Variants in MTG1 observed in about 807,000 individuals in gnomAD.
The protein encoded by MTG1 is mitochondrial ribosome associated GTPase 1, also known as mitochondrial ribosome-associated GTPase 1.
In MTG1, 30 loss-of-function variants were observed where a neutral mutation model predicts 39.5. The ratio of observed to expected loss-of-function variants is 0.76; its 90% CI spans 0.57 to 1.03. The LOEUF (loss-of-function observed/expected upper bound fraction) is 1.03. Ranked by LOEUF, MTG1 falls within the 50% of genes least tolerant of loss-of-function variation. The pLI is 0.00. For missense variants in MTG1, 513 were observed against 447.4 expected (o/e 1.15, Z -1.32); for synonymous variants, 217 against 179.0 (o/e 1.21, Z -1.69).
At chr10:133,399,434 A>T in intron 5 of MTG1, 95 bp from the exon 6 acceptor site, 1 of 1,338,146 alleles carries the variant, frequency 7.5e-7, no homozygotes, top group South Asian at 1.2e-5. Context: ...CCCTGAGCTG[A>T]CCTGGCCTGG....
intron 9 of MTG1, among the ~76,000 whole-genome samples, chr10:133,403,694 T>C: frequency 1.3e-5 from 2 of 152,360 alleles, no homozygotes; most frequent in Non-Finnish European, 2.9e-5. Context: ...GTGGGTTGTT[T>C]GCAGGTTTTG....
rs1849745893 is a variant in MTG1, at chr10:133,394,277, C to A, written c.57C>A (p.Asn19Lys). 1 of 1,517,822 alleles carries A rather than the reference C, an allele frequency of 6.6e-7. No individual in the cohort carries two copies. The highest frequency in any genetic ancestry group is 1.4e-5 in the African/African-American group (1 of 69,680). 94.0% of individuals were successfully genotyped at this position (1,517,822 alleles called of 1,614,324 possible). ...CCGCCCAGGCCGCCTGGCGGGAGAA[C>A]TTCCCCCTGTGCGGTCGCGACGTGG... ...CSAAQAAWRE[N>K]FPLCGRDVAR... is the part of the protein sequence containing the mutation. Residue 19 changes from asparagine to lysine, a missense_variant, in exon 1 of 11, where the codon AAC (asparagine) becomes AAA (lysine). Transcript: ENST00000317502.
At position 133,394,226 on chromosome 10, in the gene MTG1, A is replaced by G. The variant is rs777231381; in HGVS notation, c.6A>G (p.Arg2=). The change falls in exon 1 of 11, where the codon AGA becomes AGG. Residue 2 remains arginine (R), a synonymous_variant. Coordinates refer to ENST00000317502, the MANE Select transcript of MTG1 (RefSeq NM_138384.4). M[R]LTPRALCSAA... ...TTTCCGGGGACGGTGCCGCCATGAG[A>G]TTGACCCCGCGCGCGCTGTGCAGCG... 1.1e-5 allele frequency: 16 copies of G among 1,516,076 alleles called. No individual in the cohort carries two copies. Among genetic ancestry groups the G allele is most frequent in the Middle Eastern group, 2.3e-4 (1 of 4,398 alleles). The allele number at this position is 1,516,076 out of a possible 1,614,324, so 93.9% of individuals were successfully genotyped here.
intron 3 of MTG1, among the ~76,000 whole-genome samples, chr10:133,397,463 T>C (rs969351088): frequency 6.6e-5 from 10 of 150,764 alleles, no homozygotes; most frequent in African/African-American, 2.5e-4. Context: ...CTTTTATCTC[T>C]TTGTCTTGTG....
chr10:133,419,902 T>A, intron 10 of MTG1, 124 bp from the exon 11 acceptor site: 1 of 1,201,038 alleles, frequency 8.3e-7, no homozygotes, highest in Non-Finnish European at 1.2e-6. Context: ...CTGAGTGTGA[T>A]CCCGTTCCCT....
At chr10:133,400,574 A>G (rs1849860370) in intron 6 of MTG1, among the ~76,000 whole-genome samples, 1 of 152,246 alleles carries the variant, frequency 6.6e-6, no homozygotes, top group African/African-American at 2.4e-5. Context: ...GTTATTTTAC[A>G]GAGAGGGTGT....
intron 9 of MTG1, among the ~76,000 whole-genome samples, chr10:133,403,642 C>T (rs1589912783): frequency 6.6e-6 from 1 of 152,192 alleles, no homozygotes; most frequent in Non-Finnish European, 1.5e-5. Flanking sequence ...GTTTCAGTGT[C>T]CAGGTGCGCT....
chr10:133,400,947 C>G (rs1849865567), intron 6 of MTG1, among the ~76,000 whole-genome samples: 1 of 152,214 alleles, frequency 6.6e-6, no homozygotes, highest in South Asian at 2.1e-4. Context: ...GCTGATCACC[C>G]CGTTGTGTGT....
At chr10:133,419,889 T>C (rs1356150400) in intron 10 of MTG1, 137 bp from the exon 11 acceptor site, 3 of 1,107,812 alleles carry the variant, frequency 2.7e-6, no homozygotes, top group Non-Finnish European at 3.9e-6. Flanking sequence ...AGCTGTTTTC[T>C]TTCTGAGTGT....
At chr10:133,411,370 C>G (rs1254234714) in intron 9 of MTG1, among the ~76,000 whole-genome samples, 1 of 150,274 alleles carries the variant, frequency 6.7e-6, no homozygotes, top group Admixed American at 6.6e-5. Context: ...TTGTAGGATT[C>G]TTTCTTTGTC....
chr10:133,397,779 G>GTTTTTTTTTTTTTTTTTTTTT lies in MTG1; in HGVS notation c.283-640_283-639insTTTTTTTTTTTTTTTTTTTTT, dbSNP rs35859911. On this transcript the variant is annotated intron_variant, in intron 3 of 10. Transcript: ENST00000317502. ...AGGCGTGAGTCACTGCGTCCAGCCT[G>GTTTTTTTTTTTTTTTTTTTTT]TTTTTTTTTTTTTTTTAAATCATCG... 3.2e-4 allele frequency among the ~76,000 whole-genome samples: 44 copies of GTTTTTTTTTTTTTTTTTTTTT among 139,454 alleles called. 2 individuals carry two copies. In the South Asian group the frequency reaches 6.1e-3, roughly 19 times the overall value. The allele number at this position is 139,454 out of a possible 152,430, so 91.5% of individuals were successfully genotyped here.
In MTG1 at chr10:133,402,953, A is replaced by G; in HGVS notation, c.752+180A>G. ...GTATGGCTATACGTCTGTGAAAGCA[A>G]CACACAATCAAGAAAACGAGCGTTC... On this transcript the variant is annotated intron_variant, in intron 9 of 10. Transcript: ENST00000317502. This position sits in a 1 kb window ranked among gnomAD's most constrained non-coding sequence, Gnocchi z 4.7. The G allele has an allele frequency of 3.7e-6, 2 of 545,498 alleles. No individual in the cohort carries two copies. Among genetic ancestry groups the G allele is most frequent in the South Asian group, 2.7e-5 (1 of 36,438 alleles). 33.8% of individuals were successfully genotyped at this position (545,498 alleles called of 1,614,324 possible). A position where few individuals can be genotyped will look rare whatever the true frequency, so the allele number is the denominator to read the frequency against.
At position 133,420,774 on chromosome 10, in the gene MTG1, T is replaced by C. The variant is rs1288982046; in HGVS notation, c.*609T>C. On this transcript the variant is annotated 3_prime_UTR_variant, in exon 11 of 11. Transcript: ENST00000317502. ...CTTCGCCCCTCAGTGCCCTGGGGCA[T>C]GTTCAGGGCAGGGTTGAGGGGGACG... is the stretch of plus-strand genomic sequence containing the variant. 3 of 152,594 alleles carry C rather than the reference T, an allele frequency of 2.0e-5. No individual in the cohort carries two copies. In the East Asian group the frequency reaches 5.8e-4, roughly 30 times the overall value. The allele number at this position is 152,594 out of a possible 1,614,324, so 9.5% of individuals were successfully genotyped here.
rs1187721223 is a variant in MTG1 at position 133,402,317 on chromosome 10, TGGCACAGG to T, written c.670+74_670+81del. The T allele has an allele frequency of 3.8e-6, 6 of 1,565,888 alleles. No homozygotes were observed. The highest frequency in any genetic ancestry group is 2.7e-5 in the African/African-American group (2 of 74,122). ...GCCACCCCACCTTTAGGGCTGGCTT[TGGCACAGG>T]GCCCCTAGACGGGAGTTGTTACTGC... On this transcript the variant is annotated intron_variant, in intron 8 of 10. Coordinates refer to ENST00000317502, the MANE Select transcript of MTG1 (RefSeq NM_138384.4). The surrounding 1 kb of genome is among the most constrained non-coding windows in gnomAD (Gnocchi z 4.7).
intron 9 of MTG1, among the ~76,000 whole-genome samples, chr10:133,413,325 G>T (rs1393260183): frequency 6.6e-6 from 1 of 152,192 alleles, no homozygotes; most frequent in African/African-American, 2.4e-5. Flanking sequence ...TGTTGGCCAG[G>T]CTGGTCTTGA....
intron 1 of MTG1, among the ~76,000 whole-genome samples, chr10:133,395,489 G>A (rs1418854793): frequency 1.3e-5 from 2 of 152,186 alleles, no homozygotes; most frequent in Non-Finnish European, 2.9e-5. Context: ...TTGACACATG[G>A]CCCACCCTGT....
At chr10:133,415,941 GCAC>G (rs1850120035) in intron 9 of MTG1, among the ~76,000 whole-genome samples, 1 of 149,454 alleles carries the variant, frequency 6.7e-6, no homozygotes, top group African/African-American at 2.4e-5. Context: ...TGGGTATCAG[GCAC>G]GCAGTTATCA....
intron 6 of MTG1, 66 bp from the exon 7 acceptor site, chr10:133,401,463 C>T: frequency 2.2e-6 from 3 of 1,388,830 alleles, no homozygotes; most frequent in Middle Eastern, 1.9e-4. Context: ...ACATACGTCT[C>T]CCTACTTGTT....
chr10:133,404,352 C>T (rs1399078722), intron 9 of MTG1, among the ~76,000 whole-genome samples: 7 of 152,098 alleles, frequency 4.6e-5, no homozygotes, highest in Non-Finnish European at 1.0e-4. Flanking sequence ...GTCTTGAACT[C>T]CTGGGCTCAA....
Sources: gnomAD v4.1 joint callset for allele counts (sites outside exome capture counted in the v4.1 genomes callset) on GRCh38, gnomAD v4.1.1 for gene constraint, Gnocchi (gnomAD v3.1) non-coding constraint, MANE v1.5 for transcripts, NCBI Gene and HGNC (gene_info 2026-07-23, HGNC 2026-07-21) for gene names.